Variants in UGT8 observed in about 807,000 individuals in gnomAD.
The protein encoded by UGT8 is 2-hydroxyacylsphingosine 1-beta-galactosyltransferase.
A neutral mutation model predicts 40.5 loss-of-function variants in UGT8; 12 were observed. The observed-to-expected ratio is 0.30, with a 90% CI of 0.19 to 0.48. The LOEUF is 0.48. Among genes scored for constraint, UGT8 ranks in the 20% least tolerant of loss-of-function variants. The pLI, the probability that UGT8 is intolerant of heterozygous loss-of-function variation, is 0.99. For missense variants in UGT8, 513 were observed against 648.7 expected (o/e 0.79, Z 2.27); for synonymous variants, 224 against 240.4 (o/e 0.93, Z 0.63).
chr4:114,653,919 A>G (rs868762129), intron 2 of UGT8, among the ~76,000 whole-genome samples: 3 of 152,082 alleles, frequency 2.0e-5, no homozygotes, highest in Non-Finnish European at 4.4e-5. Flanking sequence ...TGCCTGGCAC[A>G]TAGAAGGTGA....
At chr4:114,674,022 C>G (rs1295451363) in intron 5 of UGT8, among the ~76,000 whole-genome samples, 1 of 151,798 alleles carries the variant, frequency 6.6e-6, no homozygotes, top group Non-Finnish European at 1.5e-5. Flanking sequence ...TGTTTTTTCT[C>G]TCACTCCTAA....
chr4:114,621,058 TG>T (rs1731754449), intron 1 of UGT8, among the ~76,000 whole-genome samples: 1 of 152,194 alleles, frequency 6.6e-6, no homozygotes, highest in African/African-American at 2.4e-5. Context: ...TTGAATAGGT[TG>T]GTGGGTGTAT....
chr4:114,671,301 T>C (rs1294829070), intron 5 of UGT8, among the ~76,000 whole-genome samples: 1 of 152,094 alleles, frequency 6.6e-6, no homozygotes, highest in East Asian at 1.9e-4. Context: ...AATTAGAGAA[T>C]ACTATTTTAA....
intron 1 of UGT8, among the ~76,000 whole-genome samples, chr4:114,617,878 C>T (rs533436680): frequency 4.4e-4 from 67 of 152,274 alleles, no homozygotes; most frequent in African/African-American, 1.6e-3. Flanking sequence ...AAGGCTCCAG[C>T]TCCAGGGATG....
rs115686918 is a variant in UGT8 at position 114,644,733 on chromosome 4, A to C, written c.823-19262A>C. On this transcript the variant is annotated intron_variant, in intron 2 of 5. Coordinates refer to ENST00000310836, the MANE Select transcript of UGT8 (RefSeq NM_001128174.3). ...CCCTTGCTTTATGCCTATTAAAATC[A>C]CACCTATCCTTCCTCTCTTTCAGTT... 7.2e-3 allele frequency among the ~76,000 whole-genome samples: 1,095 copies of C among 152,218 alleles called. 15 individuals are homozygous for C. The highest frequency in any genetic ancestry group is 0.024 in the African/African-American group (1,014 of 41,532).
chr4:114,648,899 A>G lies in UGT8; in HGVS notation c.823-15096A>G, dbSNP rs549532762. ...AACTTTAAATAGCCTAGATTATTTCACAGAGTATAATAAGGCCATGCTAAT... is the reference window on the plus strand; with the variant it reads ...AACTTTAAATAGCCTAGATTATTTCGCAGAGTATAATAAGGCCATGCTAAT... On this transcript the variant is annotated intron_variant, in intron 2 of 5. Coordinates refer to ENST00000310836, the MANE Select transcript of UGT8 (RefSeq NM_001128174.3). Among the ~76,000 whole-genome samples, 48 of 152,318 alleles carry G rather than the reference A, an allele frequency of 3.2e-4. No individual in the cohort carries two copies. The East Asian group carries it at 8.1e-3, about 26-fold the overall frequency.
intron 1 of UGT8, among the ~76,000 whole-genome samples, chr4:114,617,873 T>C (rs1196936752): frequency 1.3e-5 from 2 of 152,198 alleles, no homozygotes; most frequent in South Asian, 2.1e-4. Flanking sequence ...AGAGTAAGGC[T>C]CCAGCTCCAG....
At chr4:114,621,270 C>T (rs756071941) in intron 1 of UGT8, among the ~76,000 whole-genome samples, 4 of 152,082 alleles carry the variant, frequency 2.6e-5, no homozygotes, top group South Asian at 2.1e-4. Context: ...ATTCATCAGT[C>T]CTTTTTCAAT....
At chr4:114,618,430 T>A (rs1036883823) in intron 1 of UGT8, among the ~76,000 whole-genome samples, 23 of 152,220 alleles carry the variant, frequency 1.5e-4, no homozygotes, top group African/African-American at 5.5e-4. Flanking sequence ...CAAGTCTAAT[T>A]TGTTCATTTG....
intron 1 of UGT8, among the ~76,000 whole-genome samples, chr4:114,601,795 A>G (rs1284669436): frequency 2.0e-5 from 3 of 151,474 alleles, no homozygotes; most frequent in Admixed American, 6.6e-5. Flanking sequence ...TTGAAATACT[A>G]GAATAGAGAC....
At chr4:114,609,791 C>T (rs1017960547) in intron 1 of UGT8, among the ~76,000 whole-genome samples, 1 of 152,108 alleles carries the variant, frequency 6.6e-6, no homozygotes, top group African/African-American at 2.4e-5. Context: ...CAGTCCTGTC[C>T]TTATTCTACC....
chr4:114,652,879 A>C (rs576463980), intron 2 of UGT8, among the ~76,000 whole-genome samples: 4 of 152,188 alleles, frequency 2.6e-5, no homozygotes, highest in African/African-American at 9.6e-5. Flanking sequence ...TTATGCAGGA[A>C]AAGAATAAGA....
At chr4:114,606,128 AAC>A (rs760455484) in intron 1 of UGT8, among the ~76,000 whole-genome samples, 41 of 152,322 alleles carry the variant, frequency 2.7e-4, no homozygotes, top group African/African-American at 3.6e-4. Flanking sequence ...ACACTTCTGT[AAC>A]ACATCTTGAA....
chr4:114,664,222 C>G, intron 3 of UGT8, 85 bp downstream of exon 3: 2 of 1,439,500 alleles, frequency 1.4e-6, no homozygotes, highest in Non-Finnish European at 1.9e-6. Context: ...AAGCACAGCA[C>G]ATTGTTTCCC....
chr4:114,601,682 C>A (rs541675950), intron 1 of UGT8, among the ~76,000 whole-genome samples: 1 of 151,942 alleles, frequency 6.6e-6, no homozygotes, highest in South Asian at 2.1e-4. Context: ...GTTATTCTTT[C>A]TTGTTGGGTT....
chr4:114,668,236 G>T lies in UGT8; in HGVS notation c.1194G>T (p.Leu398Phe). ...TRVQAKGMGI[L>F]LEWKTVTEKE... ...TACAGGCAAAAGGCATGGGGATATT[G>T]CTAGAATGGAAGACAGTTACTGAAA... Residue 398 changes from leucine (L) to phenylalanine (F), a missense_variant, in exon 5 of 6, where the codon TTG (leucine) becomes TTT (phenylalanine). Physicochemically the swap from Leu to Phe is conservative, Grantham distance 22 (BLOSUM62 0). Transcript: ENST00000310836. The T allele has an allele frequency of 6.2e-7, 1 of 1,613,810 alleles. No individual in the cohort carries two copies. Among genetic ancestry groups the T allele is most frequent in the Non-Finnish European group, 8.5e-7 (1 of 1,179,818 alleles).
At chr4:114,655,744 G>T (rs1447673430) in intron 2 of UGT8, among the ~76,000 whole-genome samples, 1 of 151,898 alleles carries the variant, frequency 6.6e-6, no homozygotes, top group Non-Finnish European at 1.5e-5. Flanking sequence ...ATAAAAATAA[G>T]GAAATTAACA....
chr4:114,675,996 T>C lies in UGT8; in HGVS notation c.1334T>C (p.Ile445Thr), dbSNP rs551586225. ...DQPGHPVNRT[I>T]YWIDYIIRHN... is the part of the protein sequence containing the mutation. Reference sequence around the variant, plus strand: ...CCTGGTCACCCTGTCAATCGAACTATCTATTGGATAGATTATATTATTCGT... The same window carrying C: ...CCTGGTCACCCTGTCAATCGAACTACCTATTGGATAGATTATATTATTCGT... Residue 445 changes from isoleucine (I) to threonine (T), a missense_variant, in exon 6 of 6, where the codon ATC becomes ACC. By Grantham distance (89) the Ile-to-Thr change is moderately conservative. This residue lies in a region of UGT8 where 175 missense variants were observed against 186.7 expected (regional missense o/e 0.94). Coordinates refer to ENST00000310836, the MANE Select transcript of UGT8 (RefSeq NM_001128174.3). The C allele has an allele frequency of 6.2e-7, 1 of 1,614,186 alleles. No individual in the cohort carries two copies. The highest frequency in any genetic ancestry group is 1.1e-5 in the South Asian group (1 of 91,080).
intron 2 of UGT8, among the ~76,000 whole-genome samples, chr4:114,631,759 A>G (rs780315882): frequency 1.3e-5 from 2 of 152,208 alleles, no homozygotes; most frequent in Non-Finnish European, 2.9e-5. Context: ...TTTTAATAGC[A>G]TTGCGTAATG....
Sources: gnomAD v4.1 joint callset for allele counts (sites outside exome capture counted in the v4.1 genomes callset) on GRCh38, gnomAD v4.1.1 for gene constraint, gnomAD v4.1.1 regional missense constraint, MANE v1.5 for transcripts, NCBI Gene and HGNC (gene_info 2026-07-23, HGNC 2026-07-21) for gene names.